The following CD38 variants were observed in gnomAD, a reference collection of about 807,000 sequenced individuals.
CD38 encodes ADP-ribosyl cyclase/cyclic ADP-ribose hydrolase 1.
A neutral mutation model predicts 36.3 loss-of-function variants in CD38; 31 were observed. The observed-to-expected ratio is 0.85, with a 90% CI of 0.64 to 1.15. CD38 has a LOEUF of 1.15. Ranked by LOEUF, CD38 falls within the 50% of genes most tolerant of loss-of-function variation. CD38 has a pLI of 0.00. For synonymous variants in CD38, 131 were observed against 135.2 expected (o/e 0.97, Z 0.22); for missense variants, 380 against 371.9 (o/e 1.02, Z -0.18).
chr4:15,826,918 G>T lies in CD38; in HGVS notation c.499+1902G>T, dbSNP rs75721353. Among the ~76,000 whole-genome samples the T allele has an allele frequency of 5.5e-3, 843 of 152,226 alleles. 8 individuals are homozygous for T. The highest frequency in any genetic ancestry group is 0.019 in the African/African-American group (787 of 41,542). On this transcript the variant is annotated intron_variant, in intron 3 of 7. Coordinates refer to ENST00000226279, the MANE Select transcript of CD38 (RefSeq NM_001775.4). ...GGCTACTATATATACATAAATGGTA[G>T]ATTTTCTGTTTCTTCTGTAAGCTGG... is the stretch of plus-strand genomic sequence containing the variant.
At chr4:15,815,165 T>C (rs1259496422) in intron 1 of CD38, among the ~76,000 whole-genome samples, 1 of 152,214 alleles carries the variant, frequency 6.6e-6, no homozygotes, top group African/African-American at 2.4e-5. Flanking sequence ...CTGTAGTTAC[T>C]GTAGCCTTGT....
At chr4:15,830,082 A>G (rs1723928916) in intron 3 of CD38, among the ~76,000 whole-genome samples, 1 of 151,928 alleles carries the variant, frequency 6.6e-6, no homozygotes, top group Non-Finnish European at 1.5e-5. Context: ...CCATTGACTG[A>G]TTTTCTTTCT....
chr4:15,791,854 C>A, intron 1 of CD38, among the ~76,000 whole-genome samples: 1 of 91,906 alleles, frequency 1.1e-5, no homozygotes. Flanking sequence ...GTGAGGGGCG[C>A]CTCTGCCCGG....
At chr4:15,820,730 A>G (rs538877952) in intron 2 of CD38, among the ~76,000 whole-genome samples, 3 of 152,284 alleles carry the variant, frequency 2.0e-5, no homozygotes, top group African/African-American at 7.2e-5. Context: ...ATACCCACAC[A>G]ATAATAGTGG....
chr4:15,820,036 A>G (rs891401320), intron 2 of CD38, among the ~76,000 whole-genome samples: 2 of 152,242 alleles, frequency 1.3e-5, no homozygotes, highest in Non-Finnish European at 2.9e-5. Context: ...TTGGGGGCCA[A>G]TATTCAACAT....
At chr4:15,830,306 C>G (rs1237169265) in intron 3 of CD38, among the ~76,000 whole-genome samples, 1 of 152,140 alleles carries the variant, frequency 6.6e-6, no homozygotes, top group South Asian at 2.1e-4. Context: ...GAGATGATAT[C>G]TCATGATAGT....
rs148112468 is a variant in CD38 at position 15,820,765 on chromosome 4, T to A, written c.364-4116T>A. On this transcript the variant is annotated intron_variant, in intron 2 of 7. Transcript: ENST00000226279. The stretch of plus-strand genomic sequence containing the variant: ...GGAGAATTTAACATCCCACTGTCAA[T>A]ATTAGACAGATCATCAAGACAGAAA... 4.5e-3 allele frequency among the ~76,000 whole-genome samples: 683 copies of A among 151,996 alleles called. 6 individuals carry two copies. Among genetic ancestry groups the A allele is most frequent in the African/African-American group, 0.016 (652 of 41,472 alleles).
rs1724339225 is a variant in CD38, at chr4:15,849,409, C to G, written c.*807C>G. ...CTTTTTCCTTCTAGGCCTTTCATAC[C>G]AAACTAATAGTAGTTTATATTCTCT... is the stretch of plus-strand genomic sequence containing the variant. On this transcript the variant is annotated 3_prime_UTR_variant, in exon 8 of 8. Coordinates refer to ENST00000226279, the MANE Select transcript of CD38 (RefSeq NM_001775.4). The G allele has an allele frequency of 6.6e-6, 1 of 152,136 alleles. No individual in the cohort carries two copies. The highest frequency in any genetic ancestry group is 6.5e-5 in the Admixed American group (1 of 15,268). 9.4% of individuals were successfully genotyped at this position (152,136 alleles called of 1,614,324 possible). A position where few individuals can be genotyped will look rare whatever the true frequency, so the allele number is the denominator to read the frequency against.
At chr4:15,818,587 ACCTCATACAGGAGAGC>A (rs1723658855) in intron 2 of CD38, among the ~76,000 whole-genome samples, 1 of 152,158 alleles carries the variant, frequency 6.6e-6, no homozygotes, top group African/African-American at 2.4e-5. Context: ...GTCGATAGAC[ACCTCATACAGGAGAGC>A]TCCGGCTGGC....
chr4:15,822,946 A>G (rs1017263323), intron 2 of CD38, among the ~76,000 whole-genome samples: 2 of 152,238 alleles, frequency 1.3e-5, no homozygotes, highest in Admixed American at 1.3e-4. Context: ...ACAAGGCTAC[A>G]GATGCCAAAA....
rs1232725029 is a variant in CD38 at position 15,852,221 on chromosome 4, G to A, written c.*3619G>A. On this transcript the variant is annotated 3_prime_UTR_variant, in exon 8 of 8. Transcript: ENST00000226279. ...GTCCACGTCTCTCATGTAACTGGCA[G>A]AGCTATCAAATATTTTGGCAAAACA... 1 of 152,240 alleles carries A rather than the reference G, an allele frequency of 6.6e-6. No individual in the cohort carries two copies. The highest frequency in any genetic ancestry group is 1.5e-5 in the Non-Finnish European group (1 of 68,048). 9.4% of individuals were successfully genotyped at this position (152,240 alleles called of 1,614,324 possible).
At chr4:15,787,990 G>T (rs745480909) in intron 1 of CD38, among the ~76,000 whole-genome samples, 8 of 152,060 alleles carry the variant, frequency 5.3e-5, no homozygotes, top group African/African-American at 1.9e-4. Flanking sequence ...CCCACTCCTC[G>T]CCCTCTGCGT....
chr4:15,848,622 T>G lies in CD38; in HGVS notation c.*20T>G. On this transcript the variant is annotated 3_prime_UTR_variant, in exon 8 of 8. Coordinates refer to ENST00000226279, the MANE Select transcript of CD38 (RefSeq NM_001775.4). ...ATCTGAGCCAGTCGCTGTGGTTGTT[T>G]TAGCTCCTTGACTCCTTGTGGTTTA... The G allele has an allele frequency of 6.2e-7, 1 of 1,606,726 alleles. No individual in the cohort carries two copies. The highest frequency in any genetic ancestry group is 8.5e-7 in the Non-Finnish European group (1 of 1,173,420).
chr4:15,790,912 C>G (rs1577636011), intron 1 of CD38, among the ~76,000 whole-genome samples: 1 of 150,784 alleles, frequency 6.6e-6, no homozygotes, highest in South Asian at 2.1e-4. Context: ...GCCGCCCCGT[C>G]TGAGAGGTGA....
At chr4:15,824,095 A>G (rs1233038448) in intron 2 of CD38, among the ~76,000 whole-genome samples, 1 of 152,184 alleles carries the variant, frequency 6.6e-6, no homozygotes. Flanking sequence ...GGAGCTGAAC[A>G]GTGAGAACAC....
intron 1 of CD38, among the ~76,000 whole-genome samples, chr4:15,798,153 C>T (rs1723141113): frequency 6.6e-6 from 1 of 152,164 alleles, no homozygotes. Context: ...ACCTTGGCCT[C>T]CCAAAGTGCT....
At position 15,852,809 on chromosome 4, in the gene CD38, CT is replaced by C. The variant is rs11303312; in HGVS notation, c.*4225del. ...ACTATTCCCTAACGGGGCATTTATT[CT>C]TTTTTTTTTTTTTTTTTGGGAGACG... On this transcript the variant is annotated 3_prime_UTR_variant, in exon 8 of 8. Transcript: ENST00000226279. The C allele has an allele frequency of 0.41, 51,160 of 125,376 alleles. 9,047 individuals carry two copies. Among genetic ancestry groups the C allele is most frequent in the African/African-American group, 0.46 (14,868 of 32,468 alleles). The allele number at this position is 125,376 out of a possible 1,614,324, so 7.8% of individuals were successfully genotyped here. A position where few individuals can be genotyped will look rare whatever the true frequency, so the allele number is the denominator to read the frequency against.
chr4:15,830,734 G>C (rs1232179687), intron 3 of CD38, among the ~76,000 whole-genome samples: 1 of 152,036 alleles, frequency 6.6e-6, no homozygotes, highest in Non-Finnish European at 1.5e-5. Context: ...TTCATAGTTT[G>C]AGGTCTTAGA....
At chr4:15,799,555 G>C (rs1043983704) in intron 1 of CD38, among the ~76,000 whole-genome samples, 9 of 152,126 alleles carry the variant, frequency 5.9e-5, no homozygotes, top group Admixed American at 6.6e-5. Context: ...ATTCATCCAT[G>C]TTGTATGTAT....
Sources: allele counts gnomAD v4.1 joint callset (sites outside exome capture counted in the v4.1 genomes callset), GRCh38; gene constraint gnomAD v4.1.1; transcripts MANE v1.5; gene names NCBI Gene and HGNC (gene_info 2026-07-23, HGNC 2026-07-21).